Variants in RBM47 observed in about 807,000 individuals in gnomAD.
RBM47 encodes the protein RNA binding motif protein 47.
Under a neutral mutation model 47.1 loss-of-function variants are expected in RBM47, and 21 were observed. The observed-to-expected ratio is 0.45, with a 90% CI of 0.32 to 0.64. The LOEUF (loss-of-function observed/expected upper bound fraction) is 0.64, where lower values mean the gene tolerates loss of function less well. Among genes scored for constraint, RBM47 ranks in the 30% least tolerant of loss-of-function variants. RBM47 has a pLI of 0.05. For synonymous variants in RBM47, 375 were observed against 361.7 expected, an observed-to-expected ratio of 1.04 and a Z score of -0.42; for missense variants, 708 against 870.9, an observed-to-expected ratio of 0.81 and a Z score of 2.35.
intron 2 of RBM47, among the ~76,000 whole-genome samples, chr4:40,535,247 A>G (rs535516997): frequency 6.6e-6 from 1 of 152,268 alleles, no homozygotes; most frequent in African/African-American, 2.4e-5. Context: ...CCAATATTTT[A>G]AGATTCCAAG....
intron 3 of RBM47, among the ~76,000 whole-genome samples, chr4:40,459,593 TA>T (rs1211902531): frequency 1.3e-5 from 2 of 152,048 alleles, no homozygotes; most frequent in South Asian, 2.1e-4. Context: ...AAAAATAATT[TA>T]AAAAAACTTT....
At chr4:40,547,927 T>C (rs1005944102) in intron 1 of RBM47, among the ~76,000 whole-genome samples, 2 of 152,240 alleles carry the variant, frequency 1.3e-5, no homozygotes, top group Admixed American at 6.5e-5. Flanking sequence ...GCAATGGCAA[T>C]AGCAGTGGTG....
At chr4:40,630,850 G>A (rs1426865093), upstream of RBM47, 1 of 152,034 alleles carries the variant, frequency 6.6e-6, no homozygotes, top group Non-Finnish European at 1.5e-5. Flanking sequence ...GCGCGGAATG[G>A]GCCAACAGGA....
intron 1 of RBM47, among the ~76,000 whole-genome samples, chr4:40,569,727 T>C (rs1294904171): frequency 2.7e-5 from 4 of 149,008 alleles, no homozygotes; most frequent in African/African-American, 9.9e-5. Context: ...ATTTTTTTTT[T>C]TGAGATGGAG....
intron 2 of RBM47, among the ~76,000 whole-genome samples, chr4:40,528,338 G>A (rs6836514): frequency 0.5 from 76,248 of 151,710 alleles, 21,375 homozygotes; most frequent in African/African-American, 0.77. Flanking sequence ...GAAACCAGGA[G>A]GCCGAGGTTG....
chr4:40,538,946 T>A (rs1728240094), intron 2 of RBM47, among the ~76,000 whole-genome samples: 2 of 152,168 alleles, frequency 1.3e-5, no homozygotes, highest in African/African-American at 4.8e-5. Flanking sequence ...TGTTTCTTAT[T>A]AACTAAATGT....
intron 1 of RBM47, among the ~76,000 whole-genome samples, chr4:40,562,317 T>C (rs542764693): frequency 6.6e-6 from 1 of 152,180 alleles, no homozygotes; most frequent in East Asian, 1.9e-4. Flanking sequence ...TCATGCCCAC[T>C]GAAGCACAGA....
chr4:40,494,894 T>A (rs1484669098), intron 2 of RBM47, among the ~76,000 whole-genome samples: 2 of 152,232 alleles, frequency 1.3e-5, no homozygotes, highest in African/African-American at 4.8e-5. Flanking sequence ...TGCTTTGGAA[T>A]TTCCAGTTAG....
chr4:40,457,931 T>A (rs1193590670), intron 3 of RBM47, among the ~76,000 whole-genome samples: 1 of 152,104 alleles, frequency 6.6e-6, no homozygotes, highest in African/African-American at 2.4e-5. Context: ...CTGGGCAACA[T>A]AATGAGACCC....
chr4:40,500,387 G>A (rs771503705), intron 2 of RBM47, among the ~76,000 whole-genome samples: 11 of 152,154 alleles, frequency 7.2e-5, no homozygotes, highest in Non-Finnish European at 1.0e-4. Context: ...CGAGATGGGC[G>A]AAATGCTTGA....
At chr4:40,629,279 C>G (rs1340383358) in intron 1 of RBM47, 117 bp downstream of exon 1, 3 of 152,060 alleles carry the variant, frequency 2.0e-5, no homozygotes, top group Non-Finnish European at 4.4e-5. Context: ...TGAGTGATAG[C>G]ATGAGGGATA....
intron 2 of RBM47, among the ~76,000 whole-genome samples, chr4:40,493,893 C>T (rs561794829): frequency 2.6e-5 from 4 of 151,218 alleles, no homozygotes; most frequent in Admixed American, 2.0e-4. Flanking sequence ...GAGCCAAGAT[C>T]GCACCACTGC....
At chr4:40,586,499 G>A (rs1022589040) in intron 1 of RBM47, among the ~76,000 whole-genome samples, 1 of 151,320 alleles carries the variant, frequency 6.6e-6, no homozygotes, top group African/African-American at 2.4e-5. Context: ...GCTGTTGCAG[G>A]GAAATGGGAG....
chr4:40,548,881 G>T (rs1437708397), intron 1 of RBM47, among the ~76,000 whole-genome samples: 2 of 152,042 alleles, frequency 1.3e-5, no homozygotes, highest in African/African-American at 2.4e-5. Context: ...GGCCATACTG[G>T]TCTTAAACTC....
chr4:40,526,051 A>G (rs1398887957), intron 2 of RBM47, among the ~76,000 whole-genome samples: 24 of 152,252 alleles, frequency 1.6e-4, no homozygotes, highest in Admixed American at 1.6e-3. Flanking sequence ...AAATGCAAGC[A>G]TGGACCTTAG....
chr4:40,473,145 A>C (rs563990822), intron 2 of RBM47, among the ~76,000 whole-genome samples: 224 of 152,356 alleles, frequency 1.5e-3, no homozygotes, highest in African/African-American at 5.3e-3. Context: ...ATCAACATTC[A>C]TTGAATGTTT....
chr4:40,559,596 G>C (rs1354904202), intron 1 of RBM47, among the ~76,000 whole-genome samples: 1 of 152,044 alleles, frequency 6.6e-6, no homozygotes, highest in African/African-American at 2.4e-5. Flanking sequence ...TTGTTCCTGT[G>C]GGTGACCAAC....
chr4:40,462,345 ATTTG>A (rs992805252), intron 3 of RBM47, among the ~76,000 whole-genome samples: 3 of 152,198 alleles, frequency 2.0e-5, no homozygotes, highest in African/African-American at 7.2e-5. Flanking sequence ...ATGAAAAGAA[ATTTG>A]TTTTTGTACA....
chr4:40,619,024 T>TTCTGCTGGCC (rs1737008376), intron 1 of RBM47, among the ~76,000 whole-genome samples: 1 of 151,962 alleles, frequency 6.6e-6, no homozygotes, highest in Admixed American at 6.6e-5. Context: ...ATCTTGCTAT[T>TTCTGCTGGCC]TCTGCTGGCC....
Sources: gnomAD v4.1 joint callset for allele counts (sites outside exome capture counted in the v4.1 genomes callset) on GRCh38, gnomAD v4.1.1 for gene constraint, MANE v1.5 for transcripts, NCBI Gene and HGNC (gene_info 2026-07-23, HGNC 2026-07-21) for gene names.